ESYT2: variants seen among roughly 807,000 people sequenced by gnomAD.
The protein encoded by ESYT2 is extended synaptotagmin 2.
ESYT2 carries 54 observed loss-of-function variants against 107.2 expected under a neutral mutation model. That is an observed-to-expected ratio of 0.50 (90% CI 0.40 to 0.63). ESYT2 has a LOEUF of 0.63. Among genes scored for constraint, ESYT2 ranks in the 30% least tolerant of loss-of-function variants. The pLI, the probability that ESYT2 is intolerant of heterozygous loss-of-function variation, is 0.00. For missense variants in ESYT2, 1,020 were observed against 1,094.5 expected, an observed-to-expected ratio of 0.93 and a Z score of 0.96; for synonymous variants, 491 against 434.1, an observed-to-expected ratio of 1.13 and a Z score of -1.63.
chr7:158,736,654 T>C (rs1005057244), intron 20 of ESYT2, among the ~76,000 whole-genome samples: 1 of 152,212 alleles, frequency 6.6e-6, no homozygotes, highest in Non-Finnish European at 1.5e-5. Context: ...CAATATGTCA[T>C]ACGGTAAGAT....
chr7:158,781,972 CAA>C lies in ESYT2; in HGVS notation c.747+6030_747+6031del, dbSNP rs1457884704. Among the ~76,000 whole-genome samples the C allele has an allele frequency of 5.9e-3, 175 of 29,512 alleles. 8 individuals carry two copies. The Middle Eastern group carries it at 0.089, about 15-fold the overall frequency. The allele number at this position is 29,512 out of a possible 152,430, so 19.4% of individuals were successfully genotyped here. On this transcript the variant is annotated intron_variant, in intron 6 of 22. Coordinates refer to ENST00000275418, the MANE Select transcript of ESYT2 (RefSeq NM_001367773.1). ...GAACAAGTGTGAACGAGTGTGAGAACAAAGTGTGAGATGTGTGTAATTACGAG... is the reference window on the plus strand; with the variant it reads ...GAACAAGTGTGAACGAGTGTGAGAACAGTGTGAGATGTGTGTAATTACGAG...
intron 12 of ESYT2, 110 bp from the exon 13 acceptor site, chr7:158,759,691 C>A: frequency 2.4e-6 from 2 of 822,962 alleles, no homozygotes; most frequent in Non-Finnish European, 3.8e-6. Context: ...GGTGAGAAAC[C>A]ATCCAATCCA....
chr7:158,740,500 C>G (rs1039544495), intron 18 of ESYT2, among the ~76,000 whole-genome samples: 6 of 152,152 alleles, frequency 3.9e-5, no homozygotes, highest in Non-Finnish European at 8.8e-5. Context: ...GTCTCAAAGC[C>G]TCATGCAAGC....
chr7:158,761,297 T>C (rs963795206), intron 11 of ESYT2, among the ~76,000 whole-genome samples, 199 bp downstream of exon 11: 4 of 152,238 alleles, frequency 2.6e-5, no homozygotes, highest in Admixed American at 2.0e-4. Flanking sequence ...CGCACCTGAA[T>C]GGACTCTTAA....
chr7:158,746,243 C>CAT (rs1837396316), intron 16 of ESYT2, among the ~76,000 whole-genome samples: 1 of 151,392 alleles, frequency 6.6e-6, no homozygotes, highest in African/African-American at 2.4e-5. Context: ...CACACACACA[C>CAT]ACACACACAC....
rs377179886 is a variant in ESYT2 at position 158,734,291 on chromosome 7, G to A, written c.2556-39C>T. On this transcript the variant is annotated intron_variant, in intron 22 of 22. Transcript: ENST00000275418. ...TGACAGGAAGGTGGTGACGGATACA[G>A]GACCAAGTAGGAAAAGCCTATCAGA... 3.7e-6 allele frequency: 6 copies of A among 1,613,650 alleles called. No individual in the cohort carries two copies. In the African/African-American group the frequency reaches 6.7e-5, roughly 18 times the overall value.
intron 1 of ESYT2, among the ~76,000 whole-genome samples, chr7:158,824,348 C>T (rs1267892757): frequency 6.6e-6 from 1 of 152,198 alleles, no homozygotes; most frequent in Non-Finnish European, 1.5e-5. Flanking sequence ...CCTGAATTAG[C>T]TATGCCAACT....
At chr7:158,740,756 T>C (rs1837164405) in intron 18 of ESYT2, among the ~76,000 whole-genome samples, 2 of 152,180 alleles carry the variant, frequency 1.3e-5, no homozygotes, top group Admixed American at 1.3e-4. Context: ...TGAGAAAGCA[T>C]GAAAGAAAAA....
intron 3 of ESYT2, among the ~76,000 whole-genome samples, chr7:158,795,710 T>C (rs766344883): frequency 6.6e-6 from 1 of 152,250 alleles, no homozygotes; most frequent in Non-Finnish European, 1.5e-5. Flanking sequence ...AACTTGTAAT[T>C]GTGTTTTTTC....
chr7:158,826,978 C>T (rs1840471085), intron 1 of ESYT2, among the ~76,000 whole-genome samples: 1 of 151,244 alleles, frequency 6.6e-6, no homozygotes, highest in Non-Finnish European at 1.5e-5. Context: ...GCCTGGCCAA[C>T]ATGGTGAAAC....
intron 13 of ESYT2, among the ~76,000 whole-genome samples, chr7:158,753,752 G>A (rs1837661092): frequency 6.6e-6 from 1 of 151,824 alleles, no homozygotes; most frequent in Non-Finnish European, 1.5e-5. Context: ...AAAGCTGCCG[G>A]TGGAGCTCTC....
intron 6 of ESYT2, among the ~76,000 whole-genome samples, chr7:158,776,485 T>C (rs893526038): frequency 1.3e-5 from 2 of 152,260 alleles, no homozygotes; most frequent in Non-Finnish European, 2.9e-5. Context: ...CTTGCACTTT[T>C]ATGTTATGGA....
intron 1 of ESYT2, among the ~76,000 whole-genome samples, chr7:158,823,160 C>T (rs988013625): frequency 1.3e-5 from 2 of 150,036 alleles, no homozygotes; most frequent in East Asian, 2.0e-4. Flanking sequence ...CTGGATGTGG[C>T]GGTGTGCGCC....
chr7:158,781,728 T>G (rs1838826608), intron 6 of ESYT2, among the ~76,000 whole-genome samples: 1 of 147,256 alleles, frequency 6.8e-6, no homozygotes, highest in Non-Finnish European at 1.5e-5. Flanking sequence ...AGAACAAATG[T>G]GAGTGAACGA....
chr7:158,779,167 CA>C lies in ESYT2; in HGVS notation c.748-5772del, dbSNP rs149705008. Reference sequence around the variant, plus strand: ...AAAGATGGCTTCTTGCCTATCAAAACAAAAGATCAAAGGCATCAAACATAGG... The same window carrying C: ...AAAGATGGCTTCTTGCCTATCAAAACAAAGATCAAAGGCATCAAACATAGG... On this transcript the variant is annotated intron_variant, in intron 6 of 22. Coordinates refer to ENST00000275418, the MANE Select transcript of ESYT2 (RefSeq NM_001367773.1). Among the ~76,000 whole-genome samples, 1,156 of 152,216 alleles carry C rather than the reference CA, an allele frequency of 7.6e-3. 19 individuals carry two copies. The highest frequency in any genetic ancestry group is 0.026 in the African/African-American group (1,090 of 41,510).
At chr7:158,791,085 C>A (rs981122704) in intron 4 of ESYT2, among the ~76,000 whole-genome samples, 3 of 152,198 alleles carry the variant, frequency 2.0e-5, no homozygotes, top group Non-Finnish European at 4.4e-5. Flanking sequence ...CACTCTCCCC[C>A]CATTAAACAC....
intron 1 of ESYT2, among the ~76,000 whole-genome samples, chr7:158,821,829 C>T (rs529500536): frequency 9.1e-4 from 138 of 152,340 alleles, no homozygotes; most frequent in African/African-American, 3.2e-3. Context: ...GTCCTCCACA[C>T]GGCCGCTCGC....
In ESYT2 at chr7:158,749,400, G is replaced by A. The variant is rs924946373; in HGVS notation, c.1557+249C>T. Among the ~76,000 whole-genome samples the A allele has an allele frequency of 1.2e-4, 19 of 152,232 alleles. 1 individual carries two copies. The highest frequency in any genetic ancestry group is 1.1e-3 in the Admixed American group (17 of 15,292). On this transcript the variant is annotated intron_variant, in intron 15 of 22. Transcript: ENST00000275418. ...TCCCAAATTGTGGGGATTACAGGTA[G>A]GAGCCACCACACCTAGCCACTGAAG...
At chr7:158,779,893 G>A (rs1049159763) in intron 6 of ESYT2, among the ~76,000 whole-genome samples, 7 of 152,186 alleles carry the variant, frequency 4.6e-5, no homozygotes, top group African/African-American at 1.7e-4. Context: ...GTGGAGAGGG[G>A]CAGTCCTCTG....
Sources: gnomAD v4.1 joint callset for allele counts (sites outside exome capture counted in the v4.1 genomes callset) on GRCh38, gnomAD v4.1.1 for gene constraint, MANE v1.5 for transcripts, NCBI Gene and HGNC (gene_info 2026-07-23, HGNC 2026-07-21) for gene names.